Variants in IL16 observed in about 807,000 individuals in gnomAD.
The protein encoded by IL16 is pro-interleukin-16.
A neutral mutation model predicts 110.1 loss-of-function variants in IL16; 67 were observed. The ratio of observed to expected loss-of-function variants is 0.61; its 90% CI spans 0.50 to 0.75. IL16 has a LOEUF of 0.75. IL16 is among the 30% of genes least tolerant of loss of function. IL16 has a pLI of 0.00. For synonymous variants in IL16, 689 were observed against 662.9 expected, an observed-to-expected ratio of 1.04 and a Z score of -0.61; for missense variants, 1,545 against 1,655.0, an observed-to-expected ratio of 0.93 and a Z score of 1.15.
chr15:81,304,739 C>G (rs904268748), intron 16 of IL16, among the ~76,000 whole-genome samples: 2 of 152,164 alleles, frequency 1.3e-5, no homozygotes, highest in Non-Finnish European at 2.9e-5. Flanking sequence ...CATTGAGGAA[C>G]CTGAGGCTCA....
chr15:81,299,158 T>G (rs905078792), intron 13 of IL16: 1 of 716,060 alleles, frequency 1.4e-6, no homozygotes, highest in Non-Finnish European at 2.5e-6. Context: ...CCTAAAACAC[T>G]AGGATACTGT....
chr15:81,292,925 C>T lies in IL16; in HGVS notation c.1790C>T (p.Pro597Leu). The change falls in exon 12 of 19, where the codon CCC becomes CTC. Residue 597 changes from proline (P) to leucine (L), a missense_variant. This residue lies in a region of IL16 where 1,185 missense variants were observed against 1,238.8 expected (regional missense o/e 0.96). Transcript: ENST00000683961. ...GTGAGAAAGCCTATGTCCTCCAAGC[C>T]CAAGCCTCCACCCAGAAAATACTTT... ...ILVRKPMSSK[P>L]KPPPRKYFKS... 6.2e-7 allele frequency: 1 copy of T among 1,614,162 alleles called. No individual in the cohort carries two copies. Among genetic ancestry groups the T allele is most frequent in the Non-Finnish European group, 8.5e-7 (1 of 1,180,030 alleles).
intron 2 of IL16, among the ~76,000 whole-genome samples, chr15:81,255,115 G>C (rs1483741974): frequency 2.0e-5 from 3 of 152,162 alleles, no homozygotes; most frequent in Non-Finnish European, 2.9e-5. Context: ...ACTTGAAATA[G>C]TCCCAGAGTA....
At chr15:81,184,980 T>C (rs1895397336) in intron 1 of IL16, among the ~76,000 whole-genome samples, 1 of 152,182 alleles carries the variant, frequency 6.6e-6, no homozygotes, top group African/African-American at 2.4e-5. Flanking sequence ...TGACTCCTTC[T>C]GCTGGGAAAT....
intron 13 of IL16, among the ~76,000 whole-genome samples, chr15:81,297,759 G>C (rs757451771): frequency 9.2e-5 from 14 of 152,186 alleles, no homozygotes; most frequent in Non-Finnish European, 1.8e-4. Context: ...TTGAATGCTG[G>C]CTTCGTGAGG....
intron 5 of IL16, among the ~76,000 whole-genome samples, chr15:81,271,543 G>A (rs1305774732): frequency 2.6e-5 from 4 of 152,072 alleles, no homozygotes; most frequent in African/African-American, 4.8e-5. Flanking sequence ...TGCAGGACTC[G>A]TCCAAGGTGA....
intron 10 of IL16, among the ~76,000 whole-genome samples, chr15:81,288,368 G>A (rs1394825386): frequency 6.6e-6 from 1 of 152,166 alleles, no homozygotes; most frequent in Non-Finnish European, 1.5e-5. Context: ...GTTGTGGATG[G>A]TAACTCTCCT....
intron 4 of IL16, among the ~76,000 whole-genome samples, chr15:81,268,777 G>T (rs1026018887): frequency 6.6e-6 from 1 of 152,228 alleles, no homozygotes; most frequent in East Asian, 1.9e-4. Flanking sequence ...CTATGTGTCG[G>T]GCACCATTTT....
chr15:81,277,032 A>C (rs1441525681), intron 6 of IL16, among the ~76,000 whole-genome samples: 1 of 151,802 alleles, frequency 6.6e-6, no homozygotes, highest in African/African-American at 2.4e-5. Flanking sequence ...GAAACAGTAA[A>C]AAAAAAAATA....
upstream of IL16, among the ~76,000 whole-genome samples, chr15:81,192,464 C>T (rs1895512848): frequency 6.6e-6 from 1 of 151,848 alleles, no homozygotes; most frequent in Non-Finnish European, 1.5e-5. Flanking sequence ...GAAAAAATAG[C>T]CAAATGTGGT....
Position 81,306,417 on chromosome 15 carries a change from C to G in IL16, c.3680-3C>G. ...CCTAACAGAGACCTTGTGTTTTTCT[C>G]AGCAGCAGAGGCCACAGTCTGCACG... On this transcript the variant is annotated splice_region_variant and splice_polypyrimidine_tract_variant and intron_variant, in intron 17 of 18. Coordinates refer to ENST00000683961, the MANE Select transcript of IL16 (RefSeq NM_172217.5). 1.2e-6 allele frequency: 2 copies of G among 1,613,814 alleles called. No homozygotes were observed. Among genetic ancestry groups the G allele is most frequent in the Non-Finnish European group, 1.7e-6 (2 of 1,179,914 alleles).
intron 1 of IL16, among the ~76,000 whole-genome samples, chr15:81,189,376 G>C (rs1895465001): frequency 6.6e-6 from 1 of 152,026 alleles, no homozygotes; most frequent in Non-Finnish European, 1.5e-5. Context: ...CACCTGCCTT[G>C]GTCTCCTAAA....
chr15:81,313,217 T>G lies in IL16; in HGVS notation c.*4419T>G. 1.3e-6 allele frequency: 2 copies of G among 1,481,770 alleles called. No homozygotes were observed. Among genetic ancestry groups the G allele is most frequent in the East Asian group, 5.3e-5 (2 of 37,936 alleles). 91.8% of individuals were successfully genotyped at this position (1,481,770 alleles called of 1,614,324 possible). On this transcript the variant is annotated 3_prime_UTR_variant, in exon 19 of 19. Transcript: ENST00000683961. ...TGTCCCAACAGCTGGAGCTCCTCGA[T>G]GAGTCACGGGAGTTCTTTGCCAAGA...
At position 81,258,730 on chromosome 15, in the gene IL16, G is replaced by GCTCTCTCTCTCT. The variant is rs145587698; in HGVS notation, c.313-1035_313-1024dup. Among the ~76,000 whole-genome samples the GCTCTCTCTCTCT allele has an allele frequency of 6.7e-3, 994 of 147,802 alleles. 10 individuals are homozygous for GCTCTCTCTCTCT. The highest frequency in any genetic ancestry group is 0.022 in the African/African-American group (880 of 40,262). ...CTCTCTCTCTGTCACTCGCGCACGC[G>GCTCTCTCTCTCT]CTCTCTCTCTCTCTCTCTGTCACTC... is the stretch of plus-strand genomic sequence containing the variant. On this transcript the variant is annotated intron_variant, in intron 2 of 18. Coordinates refer to ENST00000683961, the MANE Select transcript of IL16 (RefSeq NM_172217.5).
At chr15:81,226,827 A>C (rs565063549) in intron 2 of IL16, among the ~76,000 whole-genome samples, 1 of 152,166 alleles carries the variant, frequency 6.6e-6, no homozygotes, top group Admixed American at 6.5e-5. Context: ...GCCATTAATG[A>C]TGTGAAAAAA....
intron 2 of IL16, among the ~76,000 whole-genome samples, chr15:81,236,676 C>T (rs1035481192): frequency 6.6e-5 from 10 of 152,154 alleles, no homozygotes; most frequent in African/African-American, 2.4e-4. Context: ...GAGAATAAGG[C>T]CGGGCGCGGT....
chr15:81,300,110 G>T lies in IL16; in HGVS notation c.2784G>T (p.Gln928His). The stretch of plus-strand genomic sequence containing the variant: ...CTGAGTCCCCTCCCCCAGGGCGGCA[G>T]CCCAATCAGAAAACTCTCCCCCCTG... Reference protein sequence around the residue: ...GVSESPPPGRQPNQKTLPPGP... With the variant: ...GVSESPPPGRHPNQKTLPPGP... Residue 928 changes from glutamine (Q) to histidine (H), a missense_variant, in exon 14 of 19, where the codon CAG becomes CAT. Transcript: ENST00000683961. The T allele has an allele frequency of 6.3e-6, 10 of 1,590,044 alleles. No homozygotes were observed. The highest frequency in any genetic ancestry group is 2.2e-5 in the East Asian group (1 of 44,728).
rs564682175 is a variant in IL16 at position 81,235,240 on chromosome 15, T to C, written c.312+9529T>C. Among the ~76,000 whole-genome samples the C allele has an allele frequency of 2.6e-5, 4 of 152,318 alleles. No homozygotes were observed. In the East Asian group the frequency reaches 5.8e-4, roughly 22 times the overall value. ...TAAAGGAATACCTGAGACTGGGTAA[T>C]TTTTAAAGAAAAGAGGTTTATTTGG... On this transcript the variant is annotated intron_variant, in intron 2 of 18. Transcript: ENST00000683961.
rs1900167056 is a variant in IL16, at chr15:81,299,686, C to T, written c.2360C>T (p.Pro787Leu). 1.4e-5 allele frequency: 22 copies of T among 1,614,200 alleles called. No homozygotes were observed. The highest frequency in any genetic ancestry group is 1.9e-5 in the Non-Finnish European group (22 of 1,180,044). ...STVKKGPPVA[P>L]KPAWFRQSLK... The stretch of plus-strand genomic sequence containing the variant: ...GTGAAGAAAGGTCCTCCTGTGGCTC[C>T]CAAGCCAGCCTGGTTTCGCCAAAGC... Residue 787 changes from proline to leucine, a missense_variant, in exon 14 of 19, where the codon CCC (proline) becomes CTC (leucine). Transcript: ENST00000683961.
Sources: allele counts gnomAD v4.1 joint callset (sites outside exome capture counted in the v4.1 genomes callset), GRCh38; gene constraint gnomAD v4.1.1; regional missense constraint gnomAD v4.1.1; transcripts MANE v1.5; gene names NCBI Gene and HGNC (gene_info 2026-07-23, HGNC 2026-07-21).